Variants in CA1 observed in about 807,000 individuals in gnomAD.
CA1 encodes carbonate dehydratase I.
CA1 carries 27 observed loss-of-function variants against 28.8 expected under a neutral mutation model. The observed-to-expected ratio is 0.94, with a 90% CI of 0.69 to 1.29. The LOEUF (loss-of-function observed/expected upper bound fraction) is 1.29. Among genes scored for constraint, CA1 ranks in the 50% most tolerant of loss-of-function variants. CA1 has a pLI of 0.00. For synonymous variants in CA1, 121 were observed against 108.8 expected (o/e 1.11, Z -0.70); for missense variants, 335 against 310.5 (o/e 1.08, Z -0.59).
At chr8:85,377,163 C>T (rs187967041) in intron 1 of CA1, among the ~76,000 whole-genome samples, 2 of 152,162 alleles carry the variant, frequency 1.3e-5, no homozygotes, top group Non-Finnish European at 2.9e-5. Flanking sequence ...GATATATGAA[C>T]CATATAATTT....
In CA1 at chr8:85,364,452, T is replaced by G. The variant is rs1211940475; in HGVS notation, c.-25+13594A>C. On this transcript the variant is annotated intron_variant, in intron 1 of 7. Coordinates refer to ENST00000523022, the MANE Select transcript of CA1 (RefSeq NM_001128831.4). ...GACTCTTAAAATCAGAGTCCGAATT[T>G]TATCAGTCCTAGGAGTCTTCCATTC... Among the ~76,000 whole-genome samples the G allele has an allele frequency of 9.2e-5, 14 of 152,246 alleles. 1 individual carries two copies. The highest frequency in any genetic ancestry group is 9.2e-4 in the Admixed American group (14 of 15,286).
intron 1 of CA1, among the ~76,000 whole-genome samples, chr8:85,360,600 G>A (rs982832155): frequency 1.3e-5 from 2 of 152,212 alleles, no homozygotes; most frequent in African/African-American, 4.8e-5. Context: ...GACCGAGGCA[G>A]AAGGATTGCT....
chr8:85,368,796 A>G (rs1186909477), intron 1 of CA1, among the ~76,000 whole-genome samples: 4 of 152,156 alleles, frequency 2.6e-5, no homozygotes, highest in African/African-American at 9.7e-5. Flanking sequence ...GAGTTCAAGC[A>G]CTGTGCATCA....
At chr8:85,333,036 T>C (rs1452213685) in intron 5 of CA1, among the ~76,000 whole-genome samples, 1 of 152,162 alleles carries the variant, frequency 6.6e-6, no homozygotes, top group Non-Finnish European at 1.5e-5. Flanking sequence ...CTATAGAGGA[T>C]TTGAGCAACA....
At chr8:85,374,749 G>A (rs927571053) in intron 1 of CA1, among the ~76,000 whole-genome samples, 2 of 152,132 alleles carry the variant, frequency 1.3e-5, no homozygotes, top group Non-Finnish European at 2.9e-5. Context: ...CCATTAGGAA[G>A]CACACTTTCA....
chr8:85,372,313 G>T (rs1291063472), intron 1 of CA1, among the ~76,000 whole-genome samples: 1 of 152,108 alleles, frequency 6.6e-6, no homozygotes, highest in African/African-American at 2.4e-5. Context: ...CAAAAATACA[G>T]CAGAAAACAA....
At chr8:85,373,603 A>G (rs1810309957) in intron 1 of CA1, 1 of 152,180 alleles carries the variant, frequency 6.6e-6, no homozygotes, top group Non-Finnish European at 1.5e-5. Context: ...TTCCTAATTT[A>G]TAATTTAAAC....
chr8:85,365,888 C>A (rs1464998860), intron 1 of CA1, among the ~76,000 whole-genome samples: 1 of 152,000 alleles, frequency 6.6e-6, no homozygotes, highest in Non-Finnish European at 1.5e-5. Context: ...TTTTATAGAC[C>A]CAGGCAGAGG....
intron 1 of CA1, among the ~76,000 whole-genome samples, chr8:85,356,850 A>G (rs1809623183): frequency 6.6e-6 from 1 of 152,210 alleles, no homozygotes; most frequent in Non-Finnish European, 1.5e-5. Context: ...AAAACAAAAT[A>G]AAATTTCCTC....
At position 85,327,855 on chromosome 8, in the gene CA1, A is replaced by G. The variant is rs770791775; in HGVS notation, c.*705T>C. ...CACTTGTGACTTTTCTTCCAATTTT[A>G]AAGTAAAGATTCTCCATGCAAACTA... is the stretch of plus-strand genomic sequence containing the variant. On this transcript the variant is annotated 3_prime_UTR_variant, in exon 8 of 8. Coordinates refer to ENST00000523022, the MANE Select transcript of CA1 (RefSeq NM_001128831.4). 2 of 152,204 alleles carry G rather than the reference A, an allele frequency of 1.3e-5. No individual in the cohort carries two copies. The highest frequency in any genetic ancestry group is 2.9e-5 in the Non-Finnish European group (2 of 68,034). The allele number at this position is 152,204 out of a possible 1,614,324, so 9.4% of individuals were successfully genotyped here. A position where few individuals can be genotyped will look rare whatever the true frequency, so the allele number is the denominator to read the frequency against.
intron 1 of CA1, among the ~76,000 whole-genome samples, chr8:85,358,976 C>T (rs1181654344): frequency 6.6e-6 from 1 of 152,168 alleles, no homozygotes; most frequent in African/African-American, 2.4e-5. Context: ...CACTCTAAGC[C>T]ACTGAGTTTT....
In CA1 at chr8:85,359,625, A is replaced by G. The variant is rs183652866; in HGVS notation, c.-24-17966T>C. Among the ~76,000 whole-genome samples, 121 of 152,372 alleles carry G rather than the reference A, an allele frequency of 7.9e-4. 2 individuals are homozygous for G. In the East Asian group the frequency reaches 0.021, roughly 27 times the overall value. Reference sequence around the variant, plus strand: ...GCCCTGCATGGAAATGACGTGAGACAGGACAGGGCAGCTGGAGAAACAAAA... The same window carrying G: ...GCCCTGCATGGAAATGACGTGAGACGGGACAGGGCAGCTGGAGAAACAAAA... On this transcript the variant is annotated intron_variant, in intron 1 of 7. Transcript: ENST00000523022.
chr8:85,333,623 A>G lies in CA1; in HGVS notation c.355-3T>C, dbSNP rs767243380. On this transcript the variant is annotated splice_region_variant and splice_polypyrimidine_tract_variant and intron_variant, in intron 4 of 7. Coordinates refer to ENST00000523022, the MANE Select transcript of CA1 (RefSeq NM_001128831.4). The stretch of plus-strand genomic sequence containing the variant: ...GAATTCCAGTGAGCTACGTGAAGCT[A>G]AAAATGATACTATGGTTAATTAATT... 3 of 1,578,624 alleles carry G rather than the reference A, an allele frequency of 1.9e-6. No homozygotes were observed. The South Asian group carries it at 3.3e-5, about 17-fold the overall frequency.
chr8:85,374,453 C>G (rs562261888), intron 1 of CA1, among the ~76,000 whole-genome samples: 3 of 152,052 alleles, frequency 2.0e-5, no homozygotes, highest in Non-Finnish European at 4.4e-5. Flanking sequence ...TGAAGTACTG[C>G]TATAGGTTTG....
chr8:85,337,832 TA>T (rs1358843719), intron 3 of CA1, among the ~76,000 whole-genome samples: 1 of 152,050 alleles, frequency 6.6e-6, no homozygotes, highest in African/African-American at 2.4e-5. Flanking sequence ...GATTCTGGAG[TA>T]TAAGGATAAT....
intron 4 of CA1, 63 bp from the exon 5 acceptor site, chr8:85,333,683 AAGT>A: frequency 9.4e-7 from 1 of 1,062,232 alleles, no homozygotes; most frequent in Non-Finnish European, 1.4e-6. Flanking sequence ...GATAAGTTAT[AAGT>A]TAACTTGTTA....
intron 2 of CA1, 52 bp from the exon 3 acceptor site, chr8:85,338,501 A>C: frequency 7.3e-7 from 1 of 1,374,450 alleles, no homozygotes; most frequent in Non-Finnish European, 1.0e-6. Context: ...GCTTGATTCC[A>C]AGTTTTAGGA....
chr8:85,352,281 T>C (rs1809441900), intron 1 of CA1, among the ~76,000 whole-genome samples: 1 of 152,146 alleles, frequency 6.6e-6, no homozygotes, highest in South Asian at 2.1e-4. Flanking sequence ...GAATCACATT[T>C]GGCCCCGCTA....
At chr8:85,349,135 G>T (rs540757456) in intron 1 of CA1, among the ~76,000 whole-genome samples, 32 of 152,142 alleles carry the variant, frequency 2.1e-4, no homozygotes, top group Admixed American at 3.3e-4. Flanking sequence ...GACACAACAG[G>T]TGCTTTTAAA....
Sources: gnomAD v4.1 joint callset for allele counts (sites outside exome capture counted in the v4.1 genomes callset) on GRCh38, gnomAD v4.1.1 for gene constraint, MANE v1.5 for transcripts, NCBI Gene and HGNC (gene_info 2026-07-23, HGNC 2026-07-21) for gene names.